The following ADAMTSL1 variants were observed in gnomAD, a reference collection of about 807,000 sequenced individuals.
ADAMTSL1 encodes ADAMTS-like protein 1.
ADAMTSL1 carries 126 observed loss-of-function variants against 201.8 expected under a neutral mutation model. That is an observed-to-expected ratio of 0.62 (90% CI 0.54 to 0.72). The LOEUF (loss-of-function observed/expected upper bound fraction) is 0.72, where lower values mean the gene tolerates loss of function less well. Ranked by LOEUF, ADAMTSL1 falls within the 30% of genes least tolerant of loss-of-function variation. The pLI, the probability that ADAMTSL1 is intolerant of heterozygous loss-of-function variation, is 0.00. For missense variants in ADAMTSL1, 2,679 were observed against 2,277.8 expected (o/e 1.18, Z -3.59); for synonymous variants, 1,121 against 903.4 (o/e 1.24, Z -4.32).
chr9:18,197,705 T>C (rs1829244413), intron 2 of ADAMTSL1, among the ~76,000 whole-genome samples: 1 of 151,200 alleles, frequency 6.6e-6, no homozygotes, highest in African/African-American at 2.4e-5. Context: ...GGCCAGAACT[T>C]CCAACACTAT....
intron 14 of ADAMTSL1, among the ~76,000 whole-genome samples, chr9:18,711,579 C>T (rs201720503): frequency 3.9e-5 from 6 of 152,202 alleles, no homozygotes; most frequent in Non-Finnish European, 8.8e-5. Context: ...TATCCCGCAC[C>T]TGGCTCGGAG....
At chr9:18,209,935 C>T (rs180826132) in intron 2 of ADAMTSL1, among the ~76,000 whole-genome samples, 98 of 152,172 alleles carry the variant, frequency 6.4e-4, no homozygotes, top group African/African-American at 2.3e-3. Context: ...ATAGATGTGC[C>T]TTGCCAGTAC....
At chr9:18,393,863 C>A (rs957404694) in intron 2 of ADAMTSL1, among the ~76,000 whole-genome samples, 6 of 152,274 alleles carry the variant, frequency 3.9e-5, no homozygotes, top group African/African-American at 1.4e-4. Context: ...AAGCCTGGGT[C>A]CTGGATGATA....
Position 18,091,788 on chromosome 9 carries a change from C to T in ADAMTSL1, c.88-72074C>T, listed in dbSNP as rs62548559. Among the ~76,000 whole-genome samples the T allele has an allele frequency of 2.7e-3, 417 of 151,910 alleles. 2 individuals carry two copies. The highest frequency in any genetic ancestry group is 0.014 in the Middle Eastern group (4 of 294). On this transcript the variant is annotated intron_variant, in intron 1 of 29. Transcript: ENST00000680146. ...GCATTATAATTATTAAAGCACAGTCCCTTCCATCTAGTAGCAAGAGAGTCC... is the reference window on the plus strand; with the variant it reads ...GCATTATAATTATTAAAGCACAGTCTCTTCCATCTAGTAGCAAGAGAGTCC...
chr9:18,858,282 C>T (rs541324169), intron 23 of ADAMTSL1, among the ~76,000 whole-genome samples: 4 of 152,226 alleles, frequency 2.6e-5, no homozygotes, highest in South Asian at 4.1e-4. Context: ...CAGCCTCCTA[C>T]CATTGCTGCC....
At chr9:18,832,063 C>T (rs956498689) in intron 23 of ADAMTSL1, among the ~76,000 whole-genome samples, 6 of 152,158 alleles carry the variant, frequency 3.9e-5, no homozygotes, top group African/African-American at 1.4e-4. Context: ...AACTGTAAAA[C>T]ACCATTGCTT....
chr9:17,957,875 G>A (rs1360619528), intron 1 of ADAMTSL1, among the ~76,000 whole-genome samples: 2 of 152,046 alleles, frequency 1.3e-5, no homozygotes, highest in Admixed American at 1.3e-4. Context: ...AGGAGAGGAA[G>A]AATCCTTTTC....
At chr9:18,621,797 G>A (rs765221053) in intron 4 of ADAMTSL1, among the ~76,000 whole-genome samples, 49 of 152,076 alleles carry the variant, frequency 3.2e-4, no homozygotes, top group African/African-American at 1.1e-3. Context: ...ACGTTCTAAC[G>A]AACCATGTGG....
intron 4 of ADAMTSL1, 39 bp downstream of exon 4, chr9:18,574,305 G>A (rs775698000): frequency 1.9e-6 from 3 of 1,541,634 alleles, no homozygotes; most frequent in Middle Eastern, 1.7e-4. Context: ...TGTCCAGAGG[G>A]TTTCAATGTC....
Position 18,138,916 on chromosome 9 carries a change from T to G in ADAMTSL1, c.88-24946T>G, listed in dbSNP as rs540893121. Among the ~76,000 whole-genome samples, 12 of 152,200 alleles carry G rather than the reference T, an allele frequency of 7.9e-5. No homozygotes were observed. The South Asian group carries it at 2.5e-3, about 32-fold the overall frequency. On this transcript the variant is annotated intron_variant, in intron 1 of 29. Coordinates refer to the ADAMTSL1 transcript ENST00000680146. The stretch of plus-strand genomic sequence containing the variant: ...CCTCATGAGTTTAAAGAGTGCATAG[T>G]TGACTGTGTGTATGAGTGTGAATAT...
intron 1 of ADAMTSL1, among the ~76,000 whole-genome samples, chr9:18,152,694 G>C (rs1022044631): frequency 1.3e-5 from 2 of 151,946 alleles, no homozygotes; most frequent in Non-Finnish European, 2.9e-5. Flanking sequence ...CTGAGGGCCA[G>C]TGGGTGGAAG....
chr9:18,300,609 AAAAC>A (rs1019351222), intron 2 of ADAMTSL1, among the ~76,000 whole-genome samples: 12 of 152,350 alleles, frequency 7.9e-5, no homozygotes, highest in East Asian at 5.8e-4. Flanking sequence ...TTAAAGTATT[AAAAC>A]AAACAAACAA....
chr9:18,199,446 T>C lies in ADAMTSL1; in HGVS notation c.207+35465T>C, dbSNP rs904432529. ...AATGGAGCAATGCATTTTCCTTCCATATTTATTCAGAAGTGTTAGCATTTT... is the reference window on the plus strand; with the variant it reads ...AATGGAGCAATGCATTTTCCTTCCACATTTATTCAGAAGTGTTAGCATTTT... On this transcript the variant is annotated intron_variant, in intron 2 of 29. Coordinates refer to the ADAMTSL1 transcript ENST00000680146. Among the ~76,000 whole-genome samples, 67 of 152,152 alleles carry C rather than the reference T, an allele frequency of 4.4e-4. 1 individual carries two copies. The highest frequency in any genetic ancestry group is 1.5e-3 in the African/African-American group (63 of 41,534).
At chr9:18,625,327 G>A (rs1826295601) in intron 5 of ADAMTSL1, among the ~76,000 whole-genome samples, 1 of 151,852 alleles carries the variant, frequency 6.6e-6, no homozygotes, top group South Asian at 2.1e-4. Flanking sequence ...AGCAAAAACA[G>A]GAAAGTGGAG....
intron 2 of ADAMTSL1, among the ~76,000 whole-genome samples, chr9:18,205,761 A>G (rs1384731433): frequency 6.6e-6 from 1 of 152,076 alleles, no homozygotes; most frequent in Admixed American, 6.6e-5. Context: ...TTCTTCATAA[A>G]AGCCACGTAC....
chr9:18,049,231 C>G (rs899801570), intron 1 of ADAMTSL1, among the ~76,000 whole-genome samples: 12 of 152,174 alleles, frequency 7.9e-5, no homozygotes, highest in African/African-American at 2.7e-4. Flanking sequence ...TGGGTTAGGA[C>G]TCTGACATAC....
At chr9:18,142,230 A>G (rs556982987) in intron 1 of ADAMTSL1, among the ~76,000 whole-genome samples, 63 of 152,182 alleles carry the variant, frequency 4.1e-4, no homozygotes, top group East Asian at 1.4e-3. Flanking sequence ...CTGTTGTTCC[A>G]TGCTCCACAC....
At chr9:18,090,107 A>T (rs1409352862) in intron 1 of ADAMTSL1, among the ~76,000 whole-genome samples, 1 of 148,688 alleles carries the variant, frequency 6.7e-6, no homozygotes, top group Non-Finnish European at 1.5e-5. Flanking sequence ...TGAAAAAGAA[A>T]AAGAAAGTAA....
At chr9:18,493,471 G>T (rs1721466266) in intron 1 of ADAMTSL1, among the ~76,000 whole-genome samples, 1 of 152,080 alleles carries the variant, frequency 6.6e-6, no homozygotes, top group African/African-American at 2.4e-5. Context: ...ATCTTCAAAA[G>T]CACAGCTTCC....
Sources: allele counts gnomAD v4.1 joint callset (sites outside exome capture counted in the v4.1 genomes callset), GRCh38; gene constraint gnomAD v4.1.1; transcripts MANE v1.5; gene names NCBI Gene and HGNC (gene_info 2026-07-23, HGNC 2026-07-21).